MAGED1: variants seen among roughly 807,000 people sequenced by gnomAD.
MAGED1 encodes MAGE family member D1.
MAGED1 carries 3 observed loss-of-function variants against 54.1 expected under a neutral mutation model. The ratio of observed to expected loss-of-function variants is 0.06; its 90% CI spans 0.03 to 0.14. The LOEUF is 0.14. Among genes scored for constraint, MAGED1 ranks in the 10% least tolerant of loss-of-function variants. MAGED1 has a pLI of 1.00. For synonymous variants in MAGED1, 217 were observed against 227.3 expected (o/e 0.95, Z 0.41); for missense variants, 485 against 623.4 (o/e 0.78, Z 2.36).
At chrX:51,815,231 TA>T (rs1297797116) in intron 1 of MAGED1, among the ~76,000 whole-genome samples, 5 of 109,639 alleles carry the variant, frequency 4.6e-5, no homozygotes, top group Admixed American at 1.9e-4. Context: ...TTCTACCTAT[TA>T]AAAAAAAAGT....
In MAGED1 at chrX:51,832,124, C is replaced by T. The variant is rs374488994; in HGVS notation, c.-37+29007C>T. On this transcript the variant is annotated intron_variant, in intron 1 of 12. Transcript: ENST00000375772. ...GGCGGTTCACTGCAGCTCCGCCTTC[C>T]GGGCTCAGGTTCCTCCCACCTCAGC... Among the ~76,000 whole-genome samples, 34 of 111,203 alleles carry T rather than the reference C, an allele frequency of 3.1e-4. No homozygotes were observed. The East Asian group carries it at 8.0e-3, about 26-fold the overall frequency.
chrX:51,826,469 T>A (rs1216546176), intron 1 of MAGED1, among the ~76,000 whole-genome samples: 1 of 111,277 alleles, frequency 9.0e-6, no homozygotes, highest in Non-Finnish European at 1.9e-5. Context: ...TTCAGCACCA[T>A]TTTTTTTGGC....
chrX:51,834,056 C>G (rs950299244), intron 1 of MAGED1, among the ~76,000 whole-genome samples: 4 of 111,995 alleles, frequency 3.6e-5, no homozygotes, highest in African/African-American at 1.3e-4. Flanking sequence ...CTTCTACAAA[C>G]TTGCTTTTTT....
intron 1 of MAGED1, among the ~76,000 whole-genome samples, chrX:51,838,079 T>A (rs1376735045): frequency 8.9e-6 from 1 of 112,364 alleles, no homozygotes; most frequent in African/African-American, 3.2e-5. Context: ...CTTACTAGAT[T>A]CAAGTTACGT....
intron 1 of MAGED1, among the ~76,000 whole-genome samples, chrX:51,805,158 T>G (rs1924983631): frequency 8.9e-6 from 1 of 112,219 alleles, no homozygotes; most frequent in African/African-American, 3.2e-5. Context: ...TGTGCTATCC[T>G]ACAGGATATT....
chrX:51,803,256 C>G (rs1924913330), intron 1 of MAGED1: 1 of 111,263 alleles, frequency 9.0e-6, no homozygotes, highest in Non-Finnish European at 1.9e-5. Context: ...GCTTCTGACG[C>G]CTGTGGTTCT....
At position 51,900,569 on chromosome X, in the gene MAGED1, CA is replaced by C. The variant is rs782697535; in HGVS notation, c.1959+278del. Among the ~76,000 whole-genome samples the C allele has an allele frequency of 3.6e-4, 39 of 108,628 alleles. No homozygotes were observed. The East Asian group carries it at 8.5e-3, about 24-fold the overall frequency. The allele number at this position is 108,628 out of a possible 115,157, so 94.3% of individuals were successfully genotyped here. A position where few individuals can be genotyped will look rare whatever the true frequency, so the allele number is the denominator to read the frequency against. On this transcript the variant is annotated intron_variant, in intron 11 of 12. Coordinates refer to ENST00000326587, the MANE Select transcript of MAGED1 (RefSeq NM_006986.4). ...CCCAACTTTACTAAATTATAATTGA[CA>C]AAAATTGTATATATTTGTGGTGTAC...
chrX:51,876,775 CT>C (rs1361073262), intron 1 of MAGED1, among the ~76,000 whole-genome samples: 1 of 110,490 alleles, frequency 9.1e-6, no homozygotes, highest in African/African-American at 3.3e-5. Context: ...CTTTTCTTTT[CT>C]TTTCTTTTCT....
At chrX:51,812,336 G>A (rs908792801) in intron 1 of MAGED1, among the ~76,000 whole-genome samples, 2 of 111,008 alleles carry the variant, frequency 1.8e-5, no homozygotes, top group Admixed American at 9.6e-5. Flanking sequence ...AAAATAATGG[G>A]CAATTTAGAG....
chrX:51,843,347 G>A (rs1283146213), intron 1 of MAGED1, among the ~76,000 whole-genome samples: 1 of 111,845 alleles, frequency 8.9e-6, no homozygotes, highest in African/African-American at 3.3e-5. Flanking sequence ...TGGATTATTA[G>A]GATGGGCCCA....
intron 1 of MAGED1, among the ~76,000 whole-genome samples, chrX:51,830,275 G>A (rs1557357301): frequency 9.0e-6 from 1 of 111,447 alleles, no homozygotes; most frequent in Non-Finnish European, 1.9e-5. Context: ...GTTTGAAAAT[G>A]TATGTATAAA....
chrX:51,891,903 C>T (rs192261250), upstream of MAGED1, among the ~76,000 whole-genome samples: 4 of 112,208 alleles, frequency 3.6e-5, no homozygotes, highest in Admixed American at 3.8e-4. Context: ...CTGATCACGT[C>T]TCACTGCAGA....
chrX:51,845,192 A>G (rs918705107), intron 1 of MAGED1, among the ~76,000 whole-genome samples: 1 of 111,926 alleles, frequency 8.9e-6, no homozygotes, highest in East Asian at 2.8e-4. Flanking sequence ...CGGAGGTTGC[A>G]GTGAGCAAAG....
chrX:51,896,640 C>T lies in MAGED1; in HGVS notation c.985C>T (p.Pro329Ser). 8.2e-7 allele frequency: 1 copy of T among 1,212,329 alleles called. No homozygotes were observed. The highest frequency in any genetic ancestry group is 1.1e-6 in the Non-Finnish European group (1 of 895,618). The change falls in exon 4 of 13, where the codon CCA (proline) becomes TCA (serine). Residue 329 changes from proline (P) to serine (S), a missense_variant. By Grantham distance (74) the Pro-to-Ser change is moderately conservative. This residue lies in a region of MAGED1 where 299 missense variants were observed against 293.1 expected (regional missense o/e 1.02). Transcript: ENST00000326587. The part of the protein sequence containing the change: ...ARQSPPARQT[P>S]PAWQNPVAWQ... ...TCAGAGCCCTCCAGCTAGGCAGACC[C>T]CACCAGCCTGGCAGAACCCAGTCGC...
chrX:51,816,684 G>A (rs1249097359), intron 1 of MAGED1, among the ~76,000 whole-genome samples: 2 of 110,101 alleles, frequency 1.8e-5, no homozygotes, highest in African/African-American at 3.3e-5. Flanking sequence ...ATGACACATG[G>A]CATTTCTCAG....
intron 7 of MAGED1, 44 bp from the exon 8 acceptor site, chrX:51,898,070 A>G (rs146241168): frequency 2.6e-6 from 3 of 1,140,931 alleles, no homozygotes; most frequent in South Asian, 1.9e-5. Flanking sequence ...GGGGTCTCTC[A>G]TGCAAATGGC....
rs781791604 is a variant in MAGED1 at position 51,847,034 on chromosome X, TAAAC to T, written c.-37+43925_-37+43928del. Among the ~76,000 whole-genome samples, 467 of 112,625 alleles carry T rather than the reference TAAAC, an allele frequency of 4.1e-3. 4 individuals are homozygous for T. Among genetic ancestry groups the T allele is most frequent in the African/African-American group, 0.014 (428 of 30,978 alleles). ...CAGCAACAGGATGATTACAACTTCT[TAAAC>T]AAACAAATATGTATCTGTTTAAAAT... On this transcript the variant is annotated intron_variant, in intron 1 of 12. Transcript: ENST00000375772.
intron 1 of MAGED1, among the ~76,000 whole-genome samples, chrX:51,876,382 G>C (rs1371268359): frequency 4.5e-5 from 5 of 110,594 alleles, no homozygotes; most frequent in African/African-American, 1.6e-4. Flanking sequence ...TCAAACCTGA[G>C]TAATCATGAG....
chrX:51,853,745 A>C (rs1379852873), intron 1 of MAGED1, among the ~76,000 whole-genome samples: 3 of 112,269 alleles, frequency 2.7e-5, no homozygotes, highest in Non-Finnish European at 5.6e-5. Flanking sequence ...AGATTTTTAA[A>C]ATTTGTTTTC....
Sources: allele counts gnomAD v4.1 joint callset (sites outside exome capture counted in the v4.1 genomes callset), GRCh38; gene constraint gnomAD v4.1.1; regional missense constraint gnomAD v4.1.1; transcripts MANE v1.5; gene names NCBI Gene and HGNC (gene_info 2026-07-23, HGNC 2026-07-21).